Variants in MGAT4C observed in about 807,000 individuals in gnomAD.
MGAT4C encodes the protein alpha-1,3-mannosyl-glycoprotein 4-beta-N-acetylglucosaminyltransferase C.
In MGAT4C, 19 loss-of-function variants were observed where a neutral mutation model predicts 40.1. That is an observed-to-expected ratio of 0.47 (90% CI 0.33 to 0.70). The LOEUF is 0.70. Ranked by LOEUF, MGAT4C falls within the 30% of genes least tolerant of loss-of-function variation. The probability of loss-of-function intolerance (pLI) is 0.02; values close to 1 mark genes in which losing one functional copy is unlikely to be tolerated. For missense variants in MGAT4C, 491 were observed against 563.2 expected, an observed-to-expected ratio of 0.87 and a Z score of 1.30; for synonymous variants, 181 against 187.1, an observed-to-expected ratio of 0.97 and a Z score of 0.27.
At chr12:86,663,408 T>G (rs979006400) in intron 2 of MGAT4C, among the ~76,000 whole-genome samples, 44 of 104,720 alleles carry the variant, frequency 4.2e-4, no homozygotes, top group African/African-American at 1.5e-3. Flanking sequence ...AAAGAAAAAG[T>G]AAAAGAAAGA....
chr12:86,580,262 G>A (rs960542603), intron 2 of MGAT4C, among the ~76,000 whole-genome samples: 3 of 151,328 alleles, frequency 2.0e-5, no homozygotes, highest in Non-Finnish European at 4.4e-5. Context: ...ATACCTACAT[G>A]CTATATTTTC....
At chr12:86,056,013 T>C (rs558326637) in intron 1 of MGAT4C, among the ~76,000 whole-genome samples, 1 of 152,210 alleles carries the variant, frequency 6.6e-6, no homozygotes, top group Admixed American at 6.6e-5. Context: ...TACTTGCTAG[T>C]TGTTACTCTT....
intron 2 of MGAT4C, among the ~76,000 whole-genome samples, chr12:86,003,181 A>G (rs184047397): frequency 6.0e-4 from 92 of 152,324 alleles, no homozygotes; most frequent in African/African-American, 2.1e-3. Flanking sequence ...ACTCTCAGAA[A>G]CTAATTCAAA....
chr12:86,310,807 C>T lies in MGAT4C; in HGVS notation c.-57+23258G>A, dbSNP rs866636711. On this transcript the variant is annotated intron_variant, in intron 4 of 7. Coordinates refer to the MGAT4C transcript ENST00000548651. ...GGTATGGTGGCATGCACCTGTAATC[C>T]CAGCTACTCGGGAGGCTGAGGCAGG... Among the ~76,000 whole-genome samples, 11 of 152,180 alleles carry T rather than the reference C, an allele frequency of 7.2e-5. 1 individual carries two copies. In the Middle Eastern group the frequency reaches 0.014, roughly 188 times the overall value.
chr12:86,448,592 C>T (rs567543452), intron 2 of MGAT4C, among the ~76,000 whole-genome samples: 1 of 152,154 alleles, frequency 6.6e-6, no homozygotes, highest in South Asian at 2.1e-4. Context: ...ATCTCTAGTA[C>T]CTATAATTAA....
At chr12:86,286,639 G>A (rs1029232899) in intron 4 of MGAT4C, among the ~76,000 whole-genome samples, 2 of 152,010 alleles carry the variant, frequency 1.3e-5, no homozygotes, top group East Asian at 1.9e-4. Flanking sequence ...TGCTATATTG[G>A]TAAATTGTGT....
chr12:86,691,615 A>G (rs1312167344), intron 2 of MGAT4C, among the ~76,000 whole-genome samples: 1 of 74,538 alleles, frequency 1.3e-5, no homozygotes, highest in Non-Finnish European at 3.3e-5. Flanking sequence ...GACATTCTAT[A>G]TACTAGCCAT....
chr12:86,493,032 A>C (rs973674121), intron 2 of MGAT4C, among the ~76,000 whole-genome samples: 31 of 150,992 alleles, frequency 2.1e-4, no homozygotes, highest in African/African-American at 5.9e-4. Context: ...TGCAGCCAAA[A>C]AACACATGAA....
chr12:86,594,861 G>A (rs201378829), intron 2 of MGAT4C, among the ~76,000 whole-genome samples: 2 of 152,228 alleles, frequency 1.3e-5, no homozygotes, highest in East Asian at 3.9e-4. Context: ...CTCAGCTACT[G>A]TGATTAAACT....
At chr12:86,375,431 A>C (rs1378191145) in intron 3 of MGAT4C, among the ~76,000 whole-genome samples, 2 of 152,120 alleles carry the variant, frequency 1.3e-5, no homozygotes, top group Non-Finnish European at 2.9e-5. Flanking sequence ...CTGTCTACTA[A>C]TATTAGGTTT....
intron 2 of MGAT4C, among the ~76,000 whole-genome samples, chr12:86,712,097 T>C (rs1051074619): frequency 2.0e-5 from 3 of 152,174 alleles, no homozygotes; most frequent in Admixed American, 6.6e-5. Flanking sequence ...CAGTTTCCCA[T>C]TTCATTTATT....
At chr12:86,713,730 T>C (rs1025647023) in intron 2 of MGAT4C, among the ~76,000 whole-genome samples, 2 of 152,076 alleles carry the variant, frequency 1.3e-5, no homozygotes, top group African/African-American at 2.4e-5. Flanking sequence ...GCACCATTGA[T>C]ATCTCTATTT....
intron 2 of MGAT4C, among the ~76,000 whole-genome samples, chr12:86,479,590 A>G (rs1020003721): frequency 6.6e-6 from 1 of 151,932 alleles, no homozygotes; most frequent in African/African-American, 2.4e-5. Flanking sequence ...TTGGGCAGTA[A>G]CAACTCTTCC....
chr12:86,614,792 G>T (rs966863552), intron 2 of MGAT4C, among the ~76,000 whole-genome samples: 1 of 151,910 alleles, frequency 6.6e-6, no homozygotes, highest in Non-Finnish European at 1.5e-5. Context: ...AGTTTATGAA[G>T]TTCCTCACTT....
At chr12:86,246,065 G>C (rs1303883830) in intron 1 of MGAT4C, among the ~76,000 whole-genome samples, 1 of 151,412 alleles carries the variant, frequency 6.6e-6, no homozygotes. Context: ...CGATTTTTAA[G>C]CTGTGTCTAA....
chr12:86,434,762 TC>T lies in MGAT4C; in HGVS notation c.-120+394del, dbSNP rs1364487680. On this transcript the variant is annotated intron_variant, in intron 3 of 7. Coordinates refer to the MGAT4C transcript ENST00000548651. ...AGGCCGAATTTGGTGGTGGTGAGCT[TC>T]TGGGAATTAATAACACCATTGGTCA... Among the ~76,000 whole-genome samples the T allele has an allele frequency of 3.3e-5, 5 of 151,982 alleles. No individual in the cohort carries two copies. The South Asian group carries it at 1.0e-3, about 31-fold the overall frequency.
intron 2 of MGAT4C, among the ~76,000 whole-genome samples, chr12:86,017,817 C>T (rs1409312089): frequency 6.6e-6 from 1 of 152,078 alleles, no homozygotes; most frequent in Non-Finnish European, 1.5e-5. Flanking sequence ...GTCATTGGAA[C>T]ACAATGAATC....
intron 2 of MGAT4C, among the ~76,000 whole-genome samples, chr12:86,636,877 A>G (rs1436069082): frequency 2.0e-5 from 3 of 151,932 alleles, no homozygotes; most frequent in Non-Finnish European, 2.9e-5. Context: ...AAAAATATTT[A>G]TTTCACACTT....
At chr12:86,299,855 C>T (rs1458290679) in intron 4 of MGAT4C, among the ~76,000 whole-genome samples, 1 of 152,100 alleles carries the variant, frequency 6.6e-6, no homozygotes, top group East Asian at 1.9e-4. Flanking sequence ...TTTTTATTCC[C>T]ATTTACCTAA....
Sources: allele counts gnomAD v4.1 joint callset (sites outside exome capture counted in the v4.1 genomes callset), GRCh38; gene constraint gnomAD v4.1.1; transcripts MANE v1.5; gene names NCBI Gene and HGNC (gene_info 2026-07-23, HGNC 2026-07-21).